GRIK1: variants seen among roughly 807,000 people sequenced by gnomAD.
GRIK1 encodes glutamate ionotropic receptor kainate type subunit 1, also known as glutamate receptor ionotropic, kainate 1.
GRIK1 carries 69 observed loss-of-function variants against 105.7 expected under a neutral mutation model. The observed-to-expected ratio is 0.65, with a 90% confidence interval of 0.54 to 0.80. The LOEUF (loss-of-function observed/expected upper bound fraction) is 0.80. Ranked by LOEUF, GRIK1 falls within the 30% of genes least tolerant of loss-of-function variation. The pLI is 0.00. For missense variants in GRIK1, 1,109 were observed against 1,167.3 expected (o/e 0.95, Z 0.73); for synonymous variants, 438 against 431.3 (o/e 1.02, Z -0.19).
chr21:29,799,473 C>A (rs1226474819), intron 1 of GRIK1, among the ~76,000 whole-genome samples: 1 of 152,084 alleles, frequency 6.6e-6, no homozygotes, highest in Non-Finnish European at 1.5e-5. Flanking sequence ...GTATCTCACT[C>A]CAGAGCCCCA....
intron 1 of GRIK1, among the ~76,000 whole-genome samples, chr21:29,793,004 C>A (rs1451102026): frequency 6.6e-6 from 1 of 152,068 alleles, no homozygotes; most frequent in Non-Finnish European, 1.5e-5. Flanking sequence ...TTTCTACTAC[C>A]CTGTGTCAAT....
intron 3 of GRIK1, among the ~76,000 whole-genome samples, chr21:29,675,540 G>A (rs1350546648): frequency 6.6e-6 from 1 of 152,112 alleles, no homozygotes; most frequent in Non-Finnish European, 1.5e-5. Flanking sequence ...ATATTTATAG[G>A]ATTTAAAGTT....
chr21:29,642,808 T>C lies in GRIK1; in HGVS notation c.1098+18A>G. On this transcript the variant is annotated intron_variant, in intron 7 of 17. Coordinates refer to ENST00000327783, the MANE Select transcript of GRIK1 (RefSeq NM_001330994.2). Reference sequence around the variant, plus strand: ...AGTGCTCAGAAGGGCCCCTGGGCTGTGAGGGAGCATCACTTGCCTCTTTGA... The same window carrying C: ...AGTGCTCAGAAGGGCCCCTGGGCTGCGAGGGAGCATCACTTGCCTCTTTGA... The C allele has an allele frequency of 6.2e-7, 1 of 1,613,220 alleles. No individual in the cohort carries two copies. Among genetic ancestry groups the C allele is most frequent in the Non-Finnish European group, 8.5e-7 (1 of 1,179,280 alleles).
intron 5 of GRIK1, among the ~76,000 whole-genome samples, chr21:29,653,173 G>T (rs1201888637): frequency 6.6e-6 from 1 of 152,104 alleles, no homozygotes; most frequent in Non-Finnish European, 1.5e-5. Context: ...GAGGACCCAG[G>T]CAAAAATGAG....
intron 15 of GRIK1, among the ~76,000 whole-genome samples, chr21:29,560,343 CTTTCTT>C (rs1272349618): frequency 9.2e-6 from 1 of 109,248 alleles, no homozygotes; most frequent in Admixed American, 9.5e-5. Context: ...TTCTTTCTTT[CTTTCTT>C]TCTTTCTTTT....
At chr21:29,571,192 C>A (rs1195982179) in intron 14 of GRIK1, among the ~76,000 whole-genome samples, 1 of 151,756 alleles carries the variant, frequency 6.6e-6, no homozygotes, top group Non-Finnish European at 1.5e-5. Flanking sequence ...CTACTAAAAA[C>A]ACACACACAC....
At chr21:29,690,060 T>G in intron 2 of GRIK1, 75 bp from the exon 3 acceptor site, 1 of 1,201,308 alleles carries the variant, frequency 8.3e-7, no homozygotes, top group Non-Finnish European at 1.2e-6. Context: ...GTTCTATGAA[T>G]TTAATTTTTT....
chr21:29,629,193 A>AAT (rs2062200666), intron 7 of GRIK1, among the ~76,000 whole-genome samples: 1 of 107,750 alleles, frequency 9.3e-6, no homozygotes, highest in Non-Finnish European at 1.9e-5. Flanking sequence ...GGAAAGGAGA[A>AAT]ATGTGTGTGT....
chr21:29,889,861 G>A (rs530112093), intron 1 of GRIK1, among the ~76,000 whole-genome samples: 3 of 152,154 alleles, frequency 2.0e-5, no homozygotes, highest in South Asian at 2.1e-4. Context: ...AAAGAAGGAA[G>A]ATAAAGCTAA....
intron 14 of GRIK1, among the ~76,000 whole-genome samples, chr21:29,573,216 G>A (rs2090797644): frequency 6.6e-6 from 1 of 152,094 alleles, no homozygotes; most frequent in East Asian, 1.9e-4. Flanking sequence ...CATTTTCCTG[G>A]TGACCTGAGA....
chr21:29,853,799 A>C (rs2068378670), intron 1 of GRIK1, among the ~76,000 whole-genome samples: 1 of 152,252 alleles, frequency 6.6e-6, no homozygotes, highest in South Asian at 2.1e-4. Flanking sequence ...AAGTTTACAT[A>C]CTAGTGGAAG....
chr21:29,864,162 A>G (rs1257773363), intron 1 of GRIK1, among the ~76,000 whole-genome samples: 1 of 152,008 alleles, frequency 6.6e-6, no homozygotes, highest in Non-Finnish European at 1.5e-5. Context: ...GTTTGTGATC[A>G]GGTCTTAATT....
rs2064778887 is a variant in GRIK1, at chr21:29,735,891, G to A, written c.119-41828C>T. Reference sequence around the variant, plus strand: ...ATTGAAAACATATTTGAAGAGATTGGTACATTGCCAATACTAAAGAAAAGG... The same window carrying A: ...ATTGAAAACATATTTGAAGAGATTGATACATTGCCAATACTAAAGAAAAGG... On this transcript the variant is annotated intron_variant, in intron 1 of 17. Coordinates refer to ENST00000327783, the MANE Select transcript of GRIK1 (RefSeq NM_001330994.2). Among the ~76,000 whole-genome samples, 4 of 150,774 alleles carry A rather than the reference G, an allele frequency of 2.7e-5. No individual in the cohort carries two copies. The South Asian group carries it at 8.4e-4, about 32-fold the overall frequency.
intron 1 of GRIK1, among the ~76,000 whole-genome samples, chr21:29,737,937 A>G (rs952546606): frequency 6.6e-6 from 1 of 152,238 alleles, no homozygotes; most frequent in Non-Finnish European, 1.5e-5. Context: ...AACTTTATTT[A>G]TACGCTATTG....
chr21:29,893,123 C>T (rs917251078), intron 1 of GRIK1, among the ~76,000 whole-genome samples: 1 of 152,136 alleles, frequency 6.6e-6, no homozygotes, highest in African/African-American at 2.4e-5. Flanking sequence ...ATTATCTTGT[C>T]TAACTGTTTT....
At chr21:29,717,277 C>T (rs115629192) in intron 1 of GRIK1, among the ~76,000 whole-genome samples, 1,537 of 152,354 alleles carry the variant, frequency 0.01, 26 homozygotes, top group African/African-American at 0.035. Context: ...ACAGAGTCCC[C>T]ACTGTAGCAC....
chr21:29,630,446 G>A (rs903765494), intron 7 of GRIK1: 3 of 459,348 alleles, frequency 6.5e-6, no homozygotes, highest in Admixed American at 2.5e-5. Flanking sequence ...TAAAAAGTAC[G>A]ATTATCCTGC....
intron 1 of GRIK1, among the ~76,000 whole-genome samples, chr21:29,712,173 G>GT (rs565661205): frequency 1.3e-4 from 19 of 148,886 alleles, no homozygotes; most frequent in African/African-American, 3.4e-4. Context: ...TGTATTTTGT[G>GT]TTTTTTTCTT....
At chr21:29,917,864 C>T (rs994794225) in intron 1 of GRIK1, among the ~76,000 whole-genome samples, 1 of 151,918 alleles carries the variant, frequency 6.6e-6, no homozygotes, top group Non-Finnish European at 1.5e-5. Context: ...TTTAACATGT[C>T]TTCCTTCTCA....
Sources: gnomAD v4.1 joint callset for allele counts (sites outside exome capture counted in the v4.1 genomes callset) on GRCh38, gnomAD v4.1.1 for gene constraint, MANE v1.5 for transcripts, NCBI Gene and HGNC (gene_info 2026-07-23, HGNC 2026-07-21) for gene names.